ZC2HC1B: variants seen among roughly 807,000 people sequenced by gnomAD.
ZC2HC1B encodes the protein zinc finger C2HC-type containing 1B, also known as zinc finger C2HC domain-containing protein 1B.
In ZC2HC1B, 36 loss-of-function variants were observed where a neutral mutation model predicts 31.0. The observed-to-expected ratio is 1.16, with a 90% CI of 0.89 to 1.54. The LOEUF (loss-of-function observed/expected upper bound fraction) is 1.54. ZC2HC1B is among the 40% of genes most tolerant of loss of function. The pLI is 0.00. For missense variants in ZC2HC1B, 260 were observed against 268.6 expected, an observed-to-expected ratio of 0.97 and a Z score of 0.22; for synonymous variants, 73 against 88.0, an observed-to-expected ratio of 0.83 and a Z score of 0.95.
rs536822403 is a variant in ZC2HC1B at position 143,922,201 on chromosome 6, A to G, written c.599-15448A>G. 6.6e-6 allele frequency among the ~76,000 whole-genome samples: 1 copy of G among 152,284 alleles called. No homozygotes were observed. Among genetic ancestry groups the G allele is most frequent in the African/African-American group, 2.4e-5 (1 of 41,562 alleles). ...ATATGTGGTCTTTTTGTTGATATAT[A>G]ATATTTGTACATGTTTATGGAATAC... On this transcript the variant is annotated intron_variant, in intron 6 of 7. Transcript: ENST00000237275. The surrounding 1 kb of genome is among the most constrained non-coding windows in gnomAD (Gnocchi z 5.0).
At position 143,898,691 on chromosome 6, in the gene ZC2HC1B, G is replaced by A. The variant is rs1468254863; in HGVS notation, c.489G>A (p.Gln163=). ...QTAAKLASRA[Q]GRAQMGPKKE... ...CAGCCAAATTGGCATCCAGAGCTCA[G>A]GTAACTATCTCTCCCCAGGTGTTGG... The change falls in exon 5 of 8, where the codon CAG becomes CAA. Residue 163 remains glutamine, a splice_region_variant and synonymous_variant. Coordinates refer to ENST00000237275, the MANE Select transcript of ZC2HC1B (RefSeq NM_001013623.3). The A allele has an allele frequency of 1.1e-5, 17 of 1,551,974 alleles. No homozygotes were observed. Among genetic ancestry groups the A allele is most frequent in the Non-Finnish European group, 1.3e-5 (15 of 1,147,064 alleles).
chr6:143,898,757 T>A (rs1777702023), intron 5 of ZC2HC1B, 66 bp downstream of exon 5: 4 of 1,525,902 alleles, frequency 2.6e-6, no homozygotes, highest in Admixed American at 4.1e-5. Flanking sequence ...CCGGTAGAAC[T>A]CCCTAGAGAA....
intron 4 of ZC2HC1B, among the ~76,000 whole-genome samples, chr6:143,888,357 A>C (rs897797336): frequency 6.6e-6 from 1 of 151,986 alleles, no homozygotes. Flanking sequence ...AATATACTCA[A>C]GTTTGTTTTT....
rs1229374448 is a variant in ZC2HC1B at position 143,905,881 on chromosome 6, C to T, written c.598+2729C>T. Among the ~76,000 whole-genome samples, 1 of 152,076 alleles carries T rather than the reference C, an allele frequency of 6.6e-6. No individual in the cohort carries two copies. The highest frequency in any genetic ancestry group is 1.5e-5 in the Non-Finnish European group (1 of 68,008). ...GATCGATTTTCATGTGTTGAACCATCCCTGTATCCCAGGAACAAATCTCAC... is the reference window on the plus strand; with the variant it reads ...GATCGATTTTCATGTGTTGAACCATTCCTGTATCCCAGGAACAAATCTCAC... On this transcript the variant is annotated intron_variant, in intron 6 of 7. Transcript: ENST00000237275. The surrounding 1 kb of genome is among the most constrained non-coding windows in gnomAD (Gnocchi z 4.2).
intron 4 of ZC2HC1B, among the ~76,000 whole-genome samples, chr6:143,892,288 T>C (rs527363440): frequency 6.8e-6 from 1 of 146,614 alleles, no homozygotes; most frequent in African/African-American, 2.5e-5. Flanking sequence ...GAAGGAGGAG[T>C]GACAGGCTCT....
chr6:143,890,954 C>T (rs1233959388), intron 4 of ZC2HC1B, among the ~76,000 whole-genome samples: 2 of 151,108 alleles, frequency 1.3e-5, no homozygotes, highest in Non-Finnish European at 3.0e-5. Context: ...ATGGTGAAAC[C>T]CCGTCTCTAC....
At position 143,903,672 on chromosome 6, in the gene ZC2HC1B, C is replaced by T. The variant is rs1437999659; in HGVS notation, c.598+520C>T. Among the ~76,000 whole-genome samples, 1 of 152,074 alleles carries T rather than the reference C, an allele frequency of 6.6e-6. No homozygotes were observed. Among genetic ancestry groups the T allele is most frequent in the African/African-American group, 2.4e-5 (1 of 41,400 alleles). On this transcript the variant is annotated intron_variant, in intron 6 of 7. Transcript: ENST00000237275. This position sits in a 1 kb window ranked among gnomAD's most constrained non-coding sequence, Gnocchi z 4.3. ...TTCTGTACAGTCATCCCTCGGTATC[C>T]ACAGGGGATTGGTCCCAGGGCCCTA...
rs1777763821 is a variant in ZC2HC1B, at chr6:143,903,843, T to C, written c.598+691T>C. Among the ~76,000 whole-genome samples, 1 of 152,258 alleles carries C rather than the reference T, an allele frequency of 6.6e-6. No individual in the cohort carries two copies. The highest frequency in any genetic ancestry group is 6.5e-5 in the Admixed American group (1 of 15,280). On this transcript the variant is annotated intron_variant, in intron 6 of 7. Coordinates refer to ENST00000237275, the MANE Select transcript of ZC2HC1B (RefSeq NM_001013623.3). The surrounding 1 kb of genome is among the most constrained non-coding windows in gnomAD (Gnocchi z 4.3). ...GGCAATGTAAATGCTATGTAAGTAG[T>C]TGTTATGCTATATTAAAATTGTTGT...
Position 143,915,643 on chromosome 6 carries a change from G to A in ZC2HC1B, c.598+12491G>A, listed in dbSNP as rs1299825558. ...GGACAATGAAATCCAGGCTGAAGTG[G>A]TCTCAGATGGAGATGAGGAACTTGT... On this transcript the variant is annotated intron_variant, in intron 6 of 7. Transcript: ENST00000237275. This position sits in a 1 kb window ranked among gnomAD's most constrained non-coding sequence, Gnocchi z 5.2. 6.6e-6 allele frequency among the ~76,000 whole-genome samples: 1 copy of A among 152,200 alleles called. No individual in the cohort carries two copies. Among genetic ancestry groups the A allele is most frequent in the African/African-American group, 2.4e-5 (1 of 41,464 alleles).
chr6:143,909,641 G>A (rs968518719), intron 6 of ZC2HC1B, among the ~76,000 whole-genome samples: 2 of 151,642 alleles, frequency 1.3e-5, no homozygotes, highest in Non-Finnish European at 2.9e-5. Flanking sequence ...GTCTTGGGAG[G>A]ATGTATGTGT....
In ZC2HC1B at chr6:143,918,109, G is replaced by T. The variant is rs748124914; in HGVS notation, c.598+14957G>T. 6.6e-6 allele frequency among the ~76,000 whole-genome samples: 1 copy of T among 152,168 alleles called. No homozygotes were observed. Among genetic ancestry groups the T allele is most frequent in the South Asian group, 2.1e-4 (1 of 4,830 alleles). ...CCCTTGAGTATTTCTTGCAGGGCAG[G>T]TCTCATGATAATGAACTTCCTCAGC... On this transcript the variant is annotated intron_variant, in intron 6 of 7. Transcript: ENST00000237275. The surrounding 1 kb of genome is among the most constrained non-coding windows in gnomAD (Gnocchi z 4.1).
chr6:143,936,549 C>T (rs539911241), intron 6 of ZC2HC1B, among the ~76,000 whole-genome samples: 2 of 152,308 alleles, frequency 1.3e-5, no homozygotes, highest in African/African-American at 4.8e-5. Flanking sequence ...GCCTAGTCAG[C>T]AAATATGTAC....
rs901956236 is a variant in ZC2HC1B, at chr6:143,884,540, G to T, written c.90+175G>T. 2.6e-5 allele frequency among the ~76,000 whole-genome samples: 4 copies of T among 152,128 alleles called. No individual in the cohort carries two copies. Among genetic ancestry groups the T allele is most frequent in the African/African-American group, 9.7e-5 (4 of 41,434 alleles). On this transcript the variant is annotated intron_variant, in intron 2 of 7. Coordinates refer to ENST00000237275, the MANE Select transcript of ZC2HC1B (RefSeq NM_001013623.3). The surrounding 1 kb of genome is among the most constrained non-coding windows in gnomAD (Gnocchi z 5.1). ...GAGAACACTGAGGCAGATTGATGCT[G>T]CCTCATTCAAGAGCGACCCTATTAA...
At position 143,923,845 on chromosome 6, in the gene ZC2HC1B, C is replaced by T. The variant is rs1778007349; in HGVS notation, c.599-13804C>T. 6.6e-6 allele frequency among the ~76,000 whole-genome samples: 1 copy of T among 151,824 alleles called. No homozygotes were observed. Among genetic ancestry groups the T allele is most frequent in the Non-Finnish European group, 1.5e-5 (1 of 67,960 alleles). On this transcript the variant is annotated intron_variant, in intron 6 of 7. Transcript: ENST00000237275. This position sits in a 1 kb window ranked among gnomAD's most constrained non-coding sequence, Gnocchi z 4.8. ...TACCAATATCTTGCTGTTTTAGTTACTACAGCTTTTTAATATATTTTGAAA... is the reference window on the plus strand; with the variant it reads ...TACCAATATCTTGCTGTTTTAGTTATTACAGCTTTTTAATATATTTTGAAA...
At chr6:143,888,203 C>G (rs1317854258) in intron 4 of ZC2HC1B, among the ~76,000 whole-genome samples, 1 of 152,050 alleles carries the variant, frequency 6.6e-6, no homozygotes, top group African/African-American at 2.4e-5. Flanking sequence ...TCAAAAGTCA[C>G]TTGACCATAT....
In ZC2HC1B at chr6:143,886,253, T is replaced by C. The variant is rs1777529628; in HGVS notation, c.210+102T>C. ...TCATTTTTGCTTGATAATACAGTAATGTAATGTAACTGTAATCCACCTTTA... is the reference window on the plus strand; with the variant it reads ...TCATTTTTGCTTGATAATACAGTAACGTAATGTAACTGTAATCCACCTTTA... On this transcript the variant is annotated intron_variant, in intron 3 of 7. Transcript: ENST00000237275. This position sits in a 1 kb window ranked among gnomAD's most constrained non-coding sequence, Gnocchi z 4.2. 6 of 1,232,382 alleles carry C rather than the reference T, an allele frequency of 4.9e-6. No homozygotes were observed. The highest frequency in any genetic ancestry group is 4.2e-6 in the Non-Finnish European group (4 of 954,510). The allele number at this position is 1,232,382 out of a possible 1,614,324, so 76.3% of individuals were successfully genotyped here. A position where few individuals can be genotyped will look rare whatever the true frequency, so the allele number is the denominator to read the frequency against.
Position 143,886,754 on chromosome 6 carries a change from G to A in ZC2HC1B, c.282G>A (p.Lys94=), listed in dbSNP as rs575686777. 10 of 1,549,810 alleles carry A rather than the reference G, an allele frequency of 6.5e-6. No individual in the cohort carries two copies. The highest frequency in any genetic ancestry group is 1.2e-5 in the South Asian group (1 of 83,808). The change falls in exon 4 of 8, where the codon AAG becomes AAA. Residue 94 remains lysine, a synonymous_variant. Coordinates refer to ENST00000237275, the MANE Select transcript of ZC2HC1B (RefSeq NM_001013623.3). This position sits in a 1 kb window ranked among gnomAD's most constrained non-coding sequence, Gnocchi z 4.2. ...EDFINAIRSA[K]QCMLAIKEGR... ...TTATTAATGCAATCCGATCAGCAAAGCAGTGTATGCTAGCCATTAAAGAAG... is the reference window on the plus strand; with the variant it reads ...TTATTAATGCAATCCGATCAGCAAAACAGTGTATGCTAGCCATTAAAGAAG...
Position 143,882,334 on chromosome 6 carries a change from T to TTATATATATATATATA in ZC2HC1B, c.29-1950_29-1935dup, listed in dbSNP as rs59777839. On this transcript the variant is annotated intron_variant, in intron 1 of 7. Coordinates refer to ENST00000237275, the MANE Select transcript of ZC2HC1B (RefSeq NM_001013623.3). ...AATATGTATACATATTTTATATTTT[T>TTATATATATATATATA]TATATATATATATATATATATATAT... 3.9e-4 allele frequency among the ~76,000 whole-genome samples: 33 copies of TTATATATATATATATA among 85,530 alleles called. 1 individual carries two copies. Among genetic ancestry groups the TTATATATATATATATA allele is most frequent in the African/African-American group, 9.6e-4 (15 of 15,690 alleles). 56.1% of individuals were successfully genotyped at this position (85,530 alleles called of 152,430 possible).
chr6:143,907,746 A>T (rs1479981851), intron 6 of ZC2HC1B, among the ~76,000 whole-genome samples: 1 of 152,138 alleles, frequency 6.6e-6, no homozygotes, highest in Non-Finnish European at 1.5e-5. Flanking sequence ...CTCTATTGGT[A>T]GTTTCTTTTG....
Sources: allele counts gnomAD v4.1 joint callset (sites outside exome capture counted in the v4.1 genomes callset), GRCh38; gene constraint gnomAD v4.1.1; non-coding constraint Gnocchi (gnomAD v3.1); transcripts MANE v1.5; gene names NCBI Gene and HGNC (gene_info 2026-07-23, HGNC 2026-07-21).